CENPN: variants seen among roughly 807,000 people sequenced by gnomAD.
The protein encoded by CENPN is interphase centromere complex protein 32.
CENPN carries 36 observed loss-of-function variants against 48.6 expected under a neutral mutation model. The ratio of observed to expected loss-of-function variants is 0.74; its 90% CI spans 0.57 to 0.98. The LOEUF (loss-of-function observed/expected upper bound fraction) is 0.98, where lower values mean the gene tolerates loss of function less well. Ranked by LOEUF, CENPN falls within the 50% of genes least tolerant of loss-of-function variation. CENPN has a pLI of 0.00. For missense variants in CENPN, 439 were observed against 399.2 expected (o/e 1.10, Z -0.85); for synonymous variants, 166 against 135.2 (o/e 1.23, Z -1.58).
chr16:81,008,930 G>A (rs1337895834), intron 1 of CENPN, among the ~76,000 whole-genome samples: 2 of 152,230 alleles, frequency 1.3e-5, no homozygotes, highest in African/African-American at 4.8e-5. Flanking sequence ...TGGATGGCCT[G>A]GTGCAGAGGC....
At chr16:81,010,950 T>C (rs1485394766) in intron 1 of CENPN, among the ~76,000 whole-genome samples, 1 of 152,192 alleles carries the variant, frequency 6.6e-6, no homozygotes, top group East Asian at 1.9e-4. Flanking sequence ...AGTAGCGAGA[T>C]TGATCCTGGT....
In CENPN at chr16:81,028,992, G is replaced by A. The variant is rs1008107544; in HGVS notation, c.*341G>A. 4.0e-6 allele frequency: 4 copies of A among 1,003,264 alleles called. No individual in the cohort carries two copies. The highest frequency in any genetic ancestry group is 2.4e-6 in the Non-Finnish European group (2 of 842,234). The allele number at this position is 1,003,264 out of a possible 1,614,324, so 62.1% of individuals were successfully genotyped here. On this transcript the variant is annotated 3_prime_UTR_variant, in exon 11 of 11. Coordinates refer to ENST00000305850, the MANE Select transcript of CENPN (RefSeq NM_001100624.3). Reference sequence around the variant, plus strand: ...GGTTTGTGTCCTTTTTTCTATGGCTGTCTCTTCTCAATTCTGGAGAGGTCT... The same window carrying A: ...GGTTTGTGTCCTTTTTTCTATGGCTATCTCTTCTCAATTCTGGAGAGGTCT...
chr16:81,028,510 C>T, intron 10 of CENPN, 59 bp from the exon 11 acceptor site: 1 of 1,587,964 alleles, frequency 6.3e-7, no homozygotes. Flanking sequence ...TGACTCAAAT[C>T]CATCCTCCTG....
At chr16:81,028,013 A>C (rs79599609) in intron 9 of CENPN, among the ~76,000 whole-genome samples, 158 bp from the exon 10 acceptor site, 4 of 152,070 alleles carry the variant, frequency 2.6e-5, no homozygotes, top group African/African-American at 9.7e-5. Flanking sequence ...CCTGCCCTCT[A>C]TGTTTGCAGT....
intron 3 of CENPN, among the ~76,000 whole-genome samples, chr16:81,016,567 A>G (rs6564814): frequency 0.31 from 46,595 of 152,062 alleles, 7,795 homozygotes; most frequent in African/African-American, 0.44. Context: ...TTCGACACTA[A>G]CCTGGCCAAC....
chr16:81,010,817 C>T (rs770234679), intron 1 of CENPN, among the ~76,000 whole-genome samples: 1 of 152,208 alleles, frequency 6.6e-6, no homozygotes, highest in Non-Finnish European at 1.5e-5. Context: ...TAACACCCCA[C>T]ATGTAATCCA....
downstream of CENPN, chr16:81,032,993 A>C: frequency 4.7e-6 from 1 of 214,698 alleles, no homozygotes; most frequent in Non-Finnish European, 9.2e-6. Context: ...AAAAAGGAAA[A>C]TGTGAAAAGT....
At chr16:81,019,286 G>A (rs1970071111) in intron 5 of CENPN, among the ~76,000 whole-genome samples, 1 of 151,416 alleles carries the variant, frequency 6.6e-6, no homozygotes, top group African/African-American at 2.4e-5. Context: ...ACATGATCTC[G>A]GCTCACTATA....
At chr16:81,020,449 C>A in intron 6 of CENPN, 173 bp downstream of exon 6, 1 of 550,442 alleles carries the variant, frequency 1.8e-6, no homozygotes, top group Non-Finnish European at 2.9e-6. Context: ...CTCGTGCCCA[C>A]GAGTCCAAGG....
chr16:81,017,857 A>C (rs750875906), intron 5 of CENPN, 23 bp downstream of exon 5: 1 of 1,385,560 alleles, frequency 7.2e-7, no homozygotes, highest in Non-Finnish European at 1.0e-6. Context: ...TTCATCTTTT[A>C]CATAAAATTC....
intron 8 of CENPN, among the ~76,000 whole-genome samples, chr16:81,025,466 T>C (rs1006624532): frequency 4.6e-5 from 7 of 152,222 alleles, no homozygotes; most frequent in African/African-American, 9.6e-5. Context: ...TAAACACTTT[T>C]ATGATTTTCC....
At chr16:81,026,986 G>A (rs939841066) in intron 9 of CENPN, among the ~76,000 whole-genome samples, 4 of 151,736 alleles carry the variant, frequency 2.6e-5, no homozygotes, top group Admixed American at 6.6e-5. Context: ...TAGTAGAGAC[G>A]GGGTTTCATC....
rs889216998 is a variant in CENPN, at chr16:81,011,966, C to A, written c.27C>A (p.Ile9=). The change falls in exon 2 of 11, where the codon ATC becomes ATA. Residue 9 remains isoleucine, a synonymous_variant. Coordinates refer to ENST00000305850, the MANE Select transcript of CENPN (RefSeq NM_001100624.3). ...TGGATGAGACTGTTGCTGAGTTCAT[C>A]AAGAGGACCATCTTGAAAATCCCCA... The part of the protein sequence containing the change: MDETVAEF[I]KRTILKIPMN... 1 of 1,614,122 alleles carries A rather than the reference C, an allele frequency of 6.2e-7. No homozygotes were observed. Among genetic ancestry groups the A allele is most frequent in the Non-Finnish European group, 8.5e-7 (1 of 1,179,996 alleles).
chr16:81,028,090 G>A (rs978046980), intron 9 of CENPN, 81 bp from the exon 10 acceptor site: 28 of 1,108,488 alleles, frequency 2.5e-5, no homozygotes, highest in East Asian at 5.2e-5. Context: ...TTAATGAAAC[G>A]TATCATTATG....
chr16:81,007,938 C>T (rs142488621), intron 1 of CENPN, among the ~76,000 whole-genome samples: 1 of 152,180 alleles, frequency 6.6e-6, no homozygotes, highest in East Asian at 1.9e-4. Context: ...GAAACCCCGT[C>T]TCTACTAAAA....
In CENPN at chr16:81,011,975, C is replaced by T. The variant is rs570065574; in HGVS notation, c.36C>T (p.Thr12=). 1.2e-6 allele frequency: 2 copies of T among 1,614,066 alleles called. No individual in the cohort carries two copies. Among genetic ancestry groups the T allele is most frequent in the Admixed American group, 3.3e-5 (2 of 60,020 alleles). ...CTGTTGCTGAGTTCATCAAGAGGAC[C>T]ATCTTGAAAATCCCCATGAATGAAC... ...DETVAEFIKR[T]ILKIPMNELT... is the part of the protein sequence containing the mutation. The change falls in exon 2 of 11, where the codon ACC becomes ACT. Residue 12 remains threonine, a synonymous_variant. Transcript: ENST00000305850.
rs1970699977 is a variant in CENPN at position 81,030,029 on chromosome 16, T to C, written c.*1378T>C. Among the ~76,000 whole-genome samples the C allele has an allele frequency of 6.6e-6, 1 of 152,162 alleles. No homozygotes were observed. Among genetic ancestry groups the C allele is most frequent in the South Asian group, 2.1e-4 (1 of 4,826 alleles). ...ACATGGCGGCAGGCAAGAGAGCTTG[T>C]GCAGGGAAACTCCCATTTATAAAAC... On this transcript the variant is annotated 3_prime_UTR_variant, in exon 11 of 11. Transcript: ENST00000305850.
At chr16:81,009,369 T>A (rs12446810) in intron 1 of CENPN, among the ~76,000 whole-genome samples, 53 of 152,130 alleles carry the variant, frequency 3.5e-4, no homozygotes, top group African/African-American at 1.2e-3. Context: ...TTCTAGGCAG[T>A]TGTAACTGCA....
At position 81,027,362 on chromosome 16, in the gene CENPN, G is replaced by C. The variant is rs371540619; in HGVS notation, c.810+724G>C. 5.9e-4 allele frequency among the ~76,000 whole-genome samples: 90 copies of C among 152,240 alleles called. No individual in the cohort carries two copies. In the East Asian group the frequency reaches 0.011, roughly 19 times the overall value. Reference sequence around the variant, plus strand: ...AAAATACAAGGTGTGGTGGCATGTGGCTGTGGTCCCAGCTACTTGCACTGA... The same window carrying C: ...AAAATACAAGGTGTGGTGGCATGTGCCTGTGGTCCCAGCTACTTGCACTGA... On this transcript the variant is annotated intron_variant, in intron 9 of 10. Transcript: ENST00000305850.
Sources: allele counts gnomAD v4.1 joint callset (sites outside exome capture counted in the v4.1 genomes callset), GRCh38; gene constraint gnomAD v4.1.1; transcripts MANE v1.5; gene names NCBI Gene and HGNC (gene_info 2026-07-23, HGNC 2026-07-21).